Variants in SNED1 observed in about 807,000 individuals in gnomAD.
SNED1 encodes sushi, nidogen and EGF-like domain-containing protein 1.
Under a neutral mutation model 166.7 loss-of-function variants are expected in SNED1, and 81 were observed. The observed-to-expected ratio is 0.49, with a 90% CI of 0.41 to 0.58. SNED1 has a LOEUF of 0.58. SNED1 is among the 20% of genes least tolerant of loss of function. The pLI is 0.00. For synonymous variants in SNED1, 762 were observed against 822.0 expected (o/e 0.93, Z 1.25); for missense variants, 1,604 against 2,000.2 (o/e 0.80, Z 3.78).
Position 241,094,277 on chromosome 2 carries a change from C to T in SNED1, c.*2641C>T, listed in dbSNP as rs946617019. On this transcript the variant is annotated 3_prime_UTR_variant, in exon 32 of 32. Transcript: ENST00000310397. This position sits in a 1 kb window ranked among gnomAD's most constrained non-coding sequence, Gnocchi z 4.3. ...GGGCCCCACTCAGGTATCAGCTCACCTCCTGCACCTCCCCTTAGCAGGAAC... is the reference window on the plus strand; with the variant it reads ...GGGCCCCACTCAGGTATCAGCTCACTTCCTGCACCTCCCCTTAGCAGGAAC... 7 of 469,064 alleles carry T rather than the reference C, an allele frequency of 1.5e-5. No homozygotes were observed. Among genetic ancestry groups the T allele is most frequent in the Non-Finnish European group, 3.1e-5 (7 of 226,852 alleles). The allele number at this position is 469,064 out of a possible 1,614,324, so 29.1% of individuals were successfully genotyped here.
At chr2:241,011,124 G>A (rs1385182887) in intron 1 of SNED1, among the ~76,000 whole-genome samples, 1 of 103,456 alleles carries the variant, frequency 9.7e-6, no homozygotes, top group Non-Finnish European at 1.7e-5. Context: ...GTCTCCTGGG[G>A]GTGGCAGGTC....
chr2:241,037,821 G>A (rs772042032), intron 6 of SNED1, among the ~76,000 whole-genome samples: 6 of 152,190 alleles, frequency 3.9e-5, no homozygotes, highest in Admixed American at 1.3e-4. Flanking sequence ...CGCTCCCTGC[G>A]GCTGCTCCTG....
chr2:241,093,226 C>T lies in SNED1; in HGVS notation c.*1590C>T, dbSNP rs890156584. 2 of 152,646 alleles carry T rather than the reference C, an allele frequency of 1.3e-5. No homozygotes were observed. Among genetic ancestry groups the T allele is most frequent in the Non-Finnish European group, 2.9e-5 (2 of 68,038 alleles). The allele number at this position is 152,646 out of a possible 1,614,324, so 9.5% of individuals were successfully genotyped here. On this transcript the variant is annotated 3_prime_UTR_variant, in exon 32 of 32. Coordinates refer to ENST00000310397, the MANE Select transcript of SNED1 (RefSeq NM_001080437.3). ...GGGTCTCGAGCTCAGCGAAGGGTCA[C>T]TGGGTGAACTGAGAGAAACCACGTT...
intron 1 of SNED1, among the ~76,000 whole-genome samples, chr2:241,001,196 G>A (rs1368551875): frequency 5.3e-5 from 8 of 152,324 alleles, no homozygotes; most frequent in Non-Finnish European, 8.8e-5. Flanking sequence ...TGACCTCTGC[G>A]CTCCTCCGCC....
At chr2:241,022,721 C>A (rs2060808789) in intron 1 of SNED1, among the ~76,000 whole-genome samples, 1 of 152,236 alleles carries the variant, frequency 6.6e-6, no homozygotes, top group Admixed American at 6.5e-5. Flanking sequence ...TTTGTCCTTC[C>A]TCTTCCAGAA....
At chr2:241,033,533 T>G in intron 2 of SNED1, 1 of 581,288 alleles carries the variant, frequency 1.7e-6, no homozygotes, top group Non-Finnish European at 3.0e-6. Context: ...AGACGGCCTC[T>G]GCTGAGTGGC....
chr2:241,067,645 C>A, intron 21 of SNED1, 119 bp from the exon 22 acceptor site: 1 of 760,626 alleles, frequency 1.3e-6, no homozygotes, highest in Non-Finnish European at 2.1e-6. Context: ...ATGGGACACC[C>A]TCTCCAGTGC....
chr2:241,027,731 CTGTTT>C (rs2061021710), intron 1 of SNED1, among the ~76,000 whole-genome samples: 1 of 137,286 alleles, frequency 7.3e-6, no homozygotes. Context: ...TTATTTTCTT[CTGTTT>C]TTTTTTTTTT....
chr2:241,045,792 GA>G (rs1170076175), intron 8 of SNED1, among the ~76,000 whole-genome samples: 1 of 150,652 alleles, frequency 6.6e-6, no homozygotes, highest in African/African-American at 2.4e-5. Flanking sequence ...TCATTAAAAA[GA>G]AAAAGATAAA....
rs1048194308 is a variant in SNED1 at position 241,073,812 on chromosome 2, A to G, written c.3916+448A>G. 3.8e-6 allele frequency: 1 copy of G among 261,486 alleles called. No homozygotes were observed. Among genetic ancestry groups the G allele is most frequent in the Admixed American group, 4.9e-5 (1 of 20,220 alleles). The allele number at this position is 261,486 out of a possible 1,614,324, so 16.2% of individuals were successfully genotyped here. Reference sequence around the variant, plus strand: ...TGAGGACTAGCTGGGCCCTGTGGACACTCAGGTTATGCAGGACCTGAACTG... The same window carrying G: ...TGAGGACTAGCTGGGCCCTGTGGACGCTCAGGTTATGCAGGACCTGAACTG... On this transcript the variant is annotated intron_variant, in intron 27 of 31. Transcript: ENST00000310397. This position sits in a 1 kb window ranked among gnomAD's most constrained non-coding sequence, Gnocchi z 6.6.
chr2:241,005,085 T>G (rs1023308825), intron 1 of SNED1, among the ~76,000 whole-genome samples: 1 of 152,130 alleles, frequency 6.6e-6, no homozygotes, highest in Non-Finnish European at 1.5e-5. Context: ...AAGTCTTTTA[T>G]ATTTACCCAC....
In SNED1 at chr2:241,073,785, C is replaced by A. The variant is rs996155304; in HGVS notation, c.3916+421C>A. ...GGAGCAGCCACTGGGCGAGCCCCAGCTTGAGGACTAGCTGGGCCCTGTGGA... is the reference window on the plus strand; with the variant it reads ...GGAGCAGCCACTGGGCGAGCCCCAGATTGAGGACTAGCTGGGCCCTGTGGA... On this transcript the variant is annotated intron_variant, in intron 27 of 31. Transcript: ENST00000310397. This position sits in a 1 kb window ranked among gnomAD's most constrained non-coding sequence, Gnocchi z 6.6. The A allele has an allele frequency of 1.3e-5, 4 of 319,914 alleles. No homozygotes were observed. Among genetic ancestry groups the A allele is most frequent in the Non-Finnish European group, 2.3e-5 (4 of 173,228 alleles). 19.8% of individuals were successfully genotyped at this position (319,914 alleles called of 1,614,324 possible).
At chr2:241,016,946 G>A (rs1355005486) in intron 1 of SNED1, among the ~76,000 whole-genome samples, 8 of 148,810 alleles carry the variant, frequency 5.4e-5, no homozygotes, top group African/African-American at 1.5e-4. Flanking sequence ...TCTGCCTCCC[G>A]GGTTCAAGCA....
At chr2:241,071,950 G>A in intron 26 of SNED1, 72 bp downstream of exon 26, 1 of 1,260,978 alleles carries the variant, frequency 7.9e-7, no homozygotes, top group Non-Finnish European at 1.1e-6. Flanking sequence ...ACCAGGTCCT[G>A]TCCCCTACAT....
At chr2:241,072,759 T>C (rs2062798074) in intron 26 of SNED1, 1 of 187,918 alleles carries the variant, frequency 5.3e-6, no homozygotes, top group Non-Finnish European at 1.1e-5. Flanking sequence ...GGGGGGCCCG[T>C]TGTACTTGCA....
Position 241,077,057 on chromosome 2 carries a change from C to T in SNED1, c.3916+3693C>T, listed in dbSNP as rs867523212. 1.2e-3 allele frequency among the ~76,000 whole-genome samples: 179 copies of T among 147,660 alleles called. 1 individual carries two copies. Among genetic ancestry groups the T allele is most frequent in the South Asian group, 3.6e-3 (17 of 4,694 alleles). On this transcript the variant is annotated intron_variant, in intron 27 of 31. Transcript: ENST00000310397. The stretch of plus-strand genomic sequence containing the variant: ...TTGCGCCACTGCACTCCAGCCTGGG[C>T]GACAGAGCGAGACTCCGTCTCAAAA...
At chr2:241,070,287 C>G in intron 24 of SNED1, 86 bp downstream of exon 24, 1 of 1,370,438 alleles carries the variant, frequency 7.3e-7, no homozygotes, top group Non-Finnish European at 9.8e-7. Context: ...CCTGCAGGGG[C>G]CTGGGATGCC....
rs1392702292 is a variant in SNED1, at chr2:241,051,782, G to A, written c.1774G>A (p.Gly592Arg). 4 of 1,552,270 alleles carry A rather than the reference G, an allele frequency of 2.6e-6. No homozygotes were observed. Among genetic ancestry groups the A allele is most frequent in the African/African-American group, 1.4e-5 (1 of 73,478 alleles). ...GTGCAGCTCAGGGCCCTGCCGGAAC[G>A]GGGGCACGTGCAAGGAGGCGGGCGG... is the stretch of plus-strand genomic sequence containing the variant. ...HLCSSGPCRN[G>R]GTCKEAGGEY... Residue 592 changes from glycine to arginine, a missense_variant, in exon 13 of 32, where the codon GGG becomes AGG. Gly to Arg is a moderately radical substitution (Grantham distance 125). This residue lies in a region of SNED1 where 1,237 missense variants were observed against 1,620.8 expected (regional missense o/e 0.76). Transcript: ENST00000310397. This position sits in a 1 kb window ranked among gnomAD's most constrained non-coding sequence, Gnocchi z 4.7.
In SNED1 at chr2:241,030,401, C is replaced by T. The variant is rs1468789241; in HGVS notation, c.331C>T (p.Arg111Trp). 17 of 1,612,896 alleles carry T rather than the reference C, an allele frequency of 1.1e-5. No homozygotes were observed. Among genetic ancestry groups the T allele is most frequent in the Admixed American group, 3.3e-5 (2 of 59,886 alleles). ...AGCCTTCTGGGCAGATGTGGACAAC[C>T]GGCGTGCAGGCGACGTGTACTACCG... ...VAAFWADVDN[R>W]RAGDVYYREA... Residue 111 changes from arginine (R) to tryptophan (W), a missense_variant, in exon 2 of 32, where the codon CGG becomes TGG. Transcript: ENST00000310397.
Sources: gnomAD v4.1 joint callset for allele counts (sites outside exome capture counted in the v4.1 genomes callset) on GRCh38, gnomAD v4.1.1 for gene constraint, gnomAD v4.1.1 regional missense constraint, Gnocchi (gnomAD v3.1) non-coding constraint, MANE v1.5 for transcripts, NCBI Gene and HGNC (gene_info 2026-07-23, HGNC 2026-07-21) for gene names.